DOCK4: variants seen among roughly 807,000 people sequenced by gnomAD.
The protein encoded by DOCK4 is dedicator of cytokinesis 4.
In DOCK4, 97 loss-of-function variants were observed where a neutral mutation model predicts 268.1. The observed-to-expected ratio is 0.36, with a 90% CI of 0.31 to 0.43. DOCK4 has a LOEUF of 0.43. Ranked by LOEUF, DOCK4 falls within the 20% of genes least tolerant of loss-of-function variation. DOCK4 has a pLI of 1.00. For synonymous variants in DOCK4, 954 were observed against 887.2 expected, an observed-to-expected ratio of 1.08 and a Z score of -1.34; for missense variants, 2,145 against 2,455.7, an observed-to-expected ratio of 0.87 and a Z score of 2.67.
intron 1 of DOCK4, among the ~76,000 whole-genome samples, chr7:112,090,469 A>T (rs1177770034): frequency 6.6e-6 from 1 of 152,202 alleles, no homozygotes; most frequent in East Asian, 1.9e-4. Flanking sequence ...CTGTTTAGAC[A>T]AACCATTCTT....
intron 26 of DOCK4, among the ~76,000 whole-genome samples, chr7:111,830,755 T>C (rs916452951): frequency 6.6e-6 from 1 of 152,078 alleles, no homozygotes; most frequent in African/African-American, 2.4e-5. Flanking sequence ...CTTATCCCTC[T>C]TCTTCTTGAA....
Position 111,809,407 on chromosome 7 carries a change from A to G in DOCK4, c.3007-6T>C. ...TAAAAGTAGGAATCCCAGATCTAAA[A>G]CAAGAACAAGATATATCAATACTAT... On this transcript the variant is annotated splice_polypyrimidine_tract_variant and splice_region_variant and intron_variant, in intron 28 of 52. Transcript: ENST00000428084. 1 of 1,546,128 alleles carries G rather than the reference A, an allele frequency of 6.5e-7. No individual in the cohort carries two copies. The highest frequency in any genetic ancestry group is 8.8e-7 in the Non-Finnish European group (1 of 1,140,530).
chr7:112,094,329 T>C (rs186171801), intron 1 of DOCK4, among the ~76,000 whole-genome samples: 90 of 152,222 alleles, frequency 5.9e-4, no homozygotes, highest in African/African-American at 2.0e-3. Context: ...CTATGAGAAA[T>C]AGAGCTGTAT....
intron 1 of DOCK4, among the ~76,000 whole-genome samples, chr7:112,189,457 G>A (rs1390011017): frequency 6.6e-6 from 1 of 152,160 alleles, no homozygotes; most frequent in Non-Finnish European, 1.5e-5. Context: ...ACAAGCAGAT[G>A]TATCTGAGTA....
At chr7:112,163,177 C>T (rs2116516939) in intron 1 of DOCK4, among the ~76,000 whole-genome samples, 1 of 152,304 alleles carries the variant, frequency 6.6e-6, no homozygotes, top group African/African-American at 2.4e-5. Context: ...AGGAACAGAG[C>T]TTCACTCAAG....
At chr7:111,995,036 G>GT (rs111944716) in intron 4 of DOCK4, among the ~76,000 whole-genome samples, 3,353 of 121,750 alleles carry the variant, frequency 0.028, 75 homozygotes, top group East Asian at 0.081. Context: ...GAAGTTTTGT[G>GT]TTTTTTTTTT....
At position 112,061,541 on chromosome 7, in the gene DOCK4, C is replaced by CGCT. The variant is rs528619992; in HGVS notation, c.38-57411_38-57410insAGC. Among the ~76,000 whole-genome samples the CGCT allele has an allele frequency of 1.1e-3, 167 of 152,188 alleles. 1 individual carries two copies. Among genetic ancestry groups the CGCT allele is most frequent in the African/African-American group, 3.9e-3 (162 of 41,516 alleles). On this transcript the variant is annotated intron_variant, in intron 1 of 52. Transcript: ENST00000428084. ...TTCTGTCACCCGCTTTCTAACACTCCATCCTTACATTTAATATGGAACAAG... is the reference window on the plus strand; with the variant it reads ...TTCTGTCACCCGCTTTCTAACACTCCGCTATCCTTACATTTAATATGGAACAAG...
At chr7:111,945,452 C>T (rs1178516776) in intron 9 of DOCK4, among the ~76,000 whole-genome samples, 1 of 152,172 alleles carries the variant, frequency 6.6e-6, no homozygotes. Context: ...TCCCAAAGTA[C>T]TGGGATTATA....
chr7:111,727,487 T>C lies in DOCK4; in HGVS notation c.*787A>G, dbSNP rs1794719275. 2 of 152,654 alleles carry C rather than the reference T, an allele frequency of 1.3e-5. No individual in the cohort carries two copies. The highest frequency in any genetic ancestry group is 4.1e-4 in the South Asian group (2 of 4,830). 9.5% of individuals were successfully genotyped at this position (152,654 alleles called of 1,614,324 possible). A position where few individuals can be genotyped will look rare whatever the true frequency, so the allele number is the denominator to read the frequency against. On this transcript the variant is annotated 3_prime_UTR_variant, in exon 53 of 53. Coordinates refer to ENST00000428084, the MANE Select transcript of DOCK4 (RefSeq NM_001363540.2). ...ATTTGCTCTTGTTCAATGACAAATT[T>C]TATATAGGAAACTATCAAGAAAGGA... is the stretch of plus-strand genomic sequence containing the variant.
chr7:112,128,298 G>A (rs975917880), intron 1 of DOCK4, among the ~76,000 whole-genome samples: 2 of 151,326 alleles, frequency 1.3e-5, no homozygotes, highest in Non-Finnish European at 3.0e-5. Flanking sequence ...GAGGTGGGGG[G>A]GGTCAGCCCC....
At chr7:112,083,867 C>T (rs1235818293) in intron 1 of DOCK4, among the ~76,000 whole-genome samples, 1 of 152,156 alleles carries the variant, frequency 6.6e-6, no homozygotes, top group Non-Finnish European at 1.5e-5. Flanking sequence ...CCCTAACCAC[C>T]TCATGGAATA....
chr7:111,762,849 C>T (rs1326695482), intron 39 of DOCK4, among the ~76,000 whole-genome samples: 3 of 134,440 alleles, frequency 2.2e-5, no homozygotes, highest in African/African-American at 5.5e-5. Context: ...CTTACTGAAG[C>T]TTTGACTCCT....
At chr7:112,098,098 G>C (rs1331156091) in intron 1 of DOCK4, among the ~76,000 whole-genome samples, 4 of 152,070 alleles carry the variant, frequency 2.6e-5, no homozygotes. Flanking sequence ...AAAAATGCAA[G>C]GATAATCCAT....
chr7:112,068,181 T>C (rs977625497), intron 1 of DOCK4, among the ~76,000 whole-genome samples: 1 of 152,200 alleles, frequency 6.6e-6, no homozygotes, highest in Non-Finnish European at 1.5e-5. Context: ...ACTCATAATC[T>C]AGTATAACAG....
chr7:111,953,594 G>A (rs1796228544), intron 8 of DOCK4: 1 of 152,222 alleles, frequency 6.6e-6, no homozygotes, highest in Admixed American at 6.5e-5. Context: ...TAAGAAGTAG[G>A]TGCTGTAAAG....
In DOCK4 at chr7:112,005,878, T is replaced by C. The variant is rs75438274; in HGVS notation, c.38-1747A>G. Among the ~76,000 whole-genome samples, 729 of 152,322 alleles carry C rather than the reference T, an allele frequency of 4.8e-3. 7 individuals carry two copies. Among genetic ancestry groups the C allele is most frequent in the African/African-American group, 0.017 (692 of 41,580 alleles). ...CTACTAATAGACTTCATTTCTTCAC[T>C]TTCCTCAGCCCCTGCAATCCAGCCT... is the stretch of plus-strand genomic sequence containing the variant. On this transcript the variant is annotated intron_variant, in intron 1 of 52. Transcript: ENST00000428084.
At position 111,788,554 on chromosome 7, in the gene DOCK4, G is replaced by A. The variant is rs193097725; in HGVS notation, c.3401+108C>T. 22 of 857,732 alleles carry A rather than the reference G, an allele frequency of 2.6e-5. No individual in the cohort carries two copies. The Admixed American group carries it at 3.9e-4, about 15-fold the overall frequency. The allele number at this position is 857,732 out of a possible 1,614,324, so 53.1% of individuals were successfully genotyped here. ...CTCCACAAAGACAAAGCCCTCCTGT[G>A]AGACCTAAGCTGTCTTTGCAGCTCT... On this transcript the variant is annotated intron_variant, in intron 32 of 52. Transcript: ENST00000428084.
At chr7:111,853,289 G>A (rs370511408) in intron 23 of DOCK4, among the ~76,000 whole-genome samples, 5 of 152,298 alleles carry the variant, frequency 3.3e-5, no homozygotes, top group South Asian at 2.1e-4. Flanking sequence ...AGGGTTGGCC[G>A]TTACATTCCA....
chr7:111,879,589 G>A (rs1460400280), intron 16 of DOCK4, among the ~76,000 whole-genome samples: 1 of 152,180 alleles, frequency 6.6e-6, no homozygotes, highest in African/African-American at 2.4e-5. Flanking sequence ...GAGGGGAGCA[G>A]GGTAAGTCCC....
Sources: allele counts gnomAD v4.1 joint callset (sites outside exome capture counted in the v4.1 genomes callset), GRCh38; gene constraint gnomAD v4.1.1; transcripts MANE v1.5; gene names NCBI Gene and HGNC (gene_info 2026-07-23, HGNC 2026-07-21).